The following IL1RL1 variants were observed in gnomAD, a reference collection of about 807,000 sequenced individuals.
IL1RL1 encodes interleukin 1 receptor like 1, also known as interleukin-1 receptor-like 1.
Under a neutral mutation model 50.9 loss-of-function variants are expected in IL1RL1, and 32 were observed. That is an observed-to-expected ratio of 0.63 (90% CI 0.47 to 0.84). The LOEUF (loss-of-function observed/expected upper bound fraction) is 0.84. IL1RL1 is among the 40% of genes least tolerant of loss of function. The pLI, the probability that IL1RL1 is intolerant of heterozygous loss-of-function variation, is 0.00. For missense variants in IL1RL1, 773 were observed against 662.9 expected, an observed-to-expected ratio of 1.17 and a Z score of -1.82; for synonymous variants, 275 against 236.0, an observed-to-expected ratio of 1.17 and a Z score of -1.51.
Position 102,343,360 on chromosome 2 carries a change from C to T in IL1RL1, c.915C>T (p.Ala305=), listed in dbSNP as rs773664206. 2 of 1,614,088 alleles carry T rather than the reference C, an allele frequency of 1.2e-6. No homozygotes were observed. The highest frequency in any genetic ancestry group is 2.2e-5 in the East Asian group (1 of 44,874). The part of the protein sequence containing the change: ...EDLLLQYDCL[A]LNLHGLRRHT... ...TATTGCTGCAGTACGACTGTCTGGC[C>T]CTGAATTTGCATGGCTTGAGAAGGC... Residue 305 remains alanine, a synonymous_variant, in exon 8 of 11, where the codon GCC becomes GCT. Transcript: ENST00000233954.
chr2:102,342,174 A>C (rs368960040), intron 5 of IL1RL1, 49 bp from the exon 6 acceptor site: 2 of 1,259,852 alleles, frequency 1.6e-6, no homozygotes, highest in East Asian at 2.3e-5. Context: ...CTTTATATTG[A>C]CTAGCATTCA....
At chr2:102,325,058 G>A (rs1025460416) in intron 1 of IL1RL1, among the ~76,000 whole-genome samples, 6 of 152,174 alleles carry the variant, frequency 3.9e-5, no homozygotes, top group South Asian at 4.1e-4. Flanking sequence ...GCCTCCTCAA[G>A]TAGGTCCCTG....
At chr2:102,327,030 C>T (rs1573137726) in intron 1 of IL1RL1, among the ~76,000 whole-genome samples, 1 of 152,168 alleles carries the variant, frequency 6.6e-6, no homozygotes, top group Non-Finnish European at 1.5e-5. Flanking sequence ...GAACTCTCCA[C>T]CCAAAATCAA....
At chr2:102,330,456 G>C (rs189341651) in intron 1 of IL1RL1, among the ~76,000 whole-genome samples, 1 of 152,096 alleles carries the variant, frequency 6.6e-6, no homozygotes, top group African/African-American at 2.4e-5. Flanking sequence ...AAACCTGCAC[G>C]TTGTGCACAT....
intron 10 of IL1RL1, 73 bp downstream of exon 10, chr2:102,349,319 C>A: frequency 1.7e-6 from 2 of 1,209,402 alleles, no homozygotes; most frequent in Non-Finnish European, 2.4e-6. Flanking sequence ...GGCCTTATCC[C>A]TGCATTGGAT....
intron 3 of IL1RL1, 52 bp from the exon 4 acceptor site, chr2:102,340,046 G>T: frequency 9.0e-7 from 1 of 1,110,882 alleles, no homozygotes; most frequent in Non-Finnish European, 1.2e-6. Flanking sequence ...TTTAGATTAA[G>T]TTATTTCACA....
intron 1 of IL1RL1, among the ~76,000 whole-genome samples, chr2:102,322,488 A>T (rs1336451174): frequency 6.6e-6 from 1 of 152,230 alleles, no homozygotes; most frequent in East Asian, 1.9e-4. Flanking sequence ...CTGGCTTATT[A>T]TGAGGAGCTT....
intron 1 of IL1RL1, among the ~76,000 whole-genome samples, chr2:102,321,906 G>A (rs549302095): frequency 1.4e-4 from 22 of 152,288 alleles, no homozygotes; most frequent in East Asian, 1.3e-3. Context: ...AAAACAGTCC[G>A]AAGTCAAACA....
chr2:102,313,858 C>A (rs73002417), intron 1 of IL1RL1, among the ~76,000 whole-genome samples: 1 of 152,088 alleles, frequency 6.6e-6, no homozygotes, highest in Non-Finnish European at 1.5e-5. Context: ...CTTGCATGCG[C>A]GTGCATGTGC....
chr2:102,340,588 G>C (rs1677516184), intron 4 of IL1RL1, 78 bp from the exon 5 acceptor site: 1 of 1,453,936 alleles, frequency 6.9e-7, no homozygotes, highest in East Asian at 2.4e-5. Context: ...CTCCAGCCTA[G>C]GCAACAAACA....
intron 1 of IL1RL1, among the ~76,000 whole-genome samples, chr2:102,326,151 C>A (rs1676991229): frequency 6.6e-6 from 1 of 152,242 alleles, no homozygotes; most frequent in Admixed American, 6.5e-5. Context: ...AAAAGCTGAT[C>A]TCTTGGCAGA....
At position 102,343,999 on chromosome 2, in the gene IL1RL1, T is replaced by C. The variant is rs992391948; in HGVS notation, c.970+584T>C. ...GAAATACCTGAGACTGGGTGATTTA[T>C]ATGAAAAGAGGTTTAATTGGCTCAC... is the stretch of plus-strand genomic sequence containing the variant. On this transcript the variant is annotated intron_variant, in intron 8 of 10. Coordinates refer to ENST00000233954, the MANE Select transcript of IL1RL1 (RefSeq NM_016232.5). The C allele has an allele frequency of 2.9e-5, 21 of 712,088 alleles. No individual in the cohort carries two copies. In the South Asian group the frequency reaches 8.0e-4, roughly 27 times the overall value. 44.1% of individuals were successfully genotyped at this position (712,088 alleles called of 1,614,324 possible).
chr2:102,329,230 A>C (rs1004090463), intron 1 of IL1RL1, among the ~76,000 whole-genome samples: 2 of 152,158 alleles, frequency 1.3e-5, no homozygotes, highest in Admixed American at 6.5e-5. Context: ...CAAAAACAAG[A>C]AATGGGGAAA....
intron 1 of IL1RL1, among the ~76,000 whole-genome samples, chr2:102,334,957 T>C (rs1254087597): frequency 6.6e-6 from 1 of 152,154 alleles, no homozygotes; most frequent in African/African-American, 2.4e-5. Context: ...AATAGGCACA[T>C]ACAGGATTTC....
chr2:102,331,944 T>C (rs114879104), intron 1 of IL1RL1, among the ~76,000 whole-genome samples: 4,136 of 152,168 alleles, frequency 0.027, 94 homozygotes, highest in Non-Finnish European at 0.044. Flanking sequence ...GATGTGTGCA[T>C]GTAGTCCCAG....
intron 5 of IL1RL1, among the ~76,000 whole-genome samples, 163 bp from the exon 6 acceptor site, chr2:102,342,059 GT>G (rs1170316698): frequency 1.5e-3 from 133 of 87,590 alleles, no homozygotes; most frequent in African/African-American, 4.6e-3. Context: ...GTGTGTGTGT[GT>G]GTGTGTGTGT....
At chr2:102,350,719 AG>A (rs1204717002) in intron 10 of IL1RL1, among the ~76,000 whole-genome samples, 2 of 152,204 alleles carry the variant, frequency 1.3e-5, no homozygotes, top group African/African-American at 4.8e-5. Context: ...AGGAGGTCAG[AG>A]GGTGGTCATG....
Position 102,342,230 on chromosome 2 carries a change from A to C in IL1RL1, c.618A>C (p.Gln206His). 1 of 1,608,758 alleles carries C rather than the reference A, an allele frequency of 6.2e-7. No homozygotes were observed. The highest frequency in any genetic ancestry group is 8.5e-7 in the Non-Finnish European group (1 of 1,175,324). The change falls in exon 6 of 11, where the codon CAA (glutamine) becomes CAC (histidine). Residue 206 changes from glutamine to histidine, a missense_variant. Gln to His is a conservative substitution (Grantham distance 24). Transcript: ENST00000233954. Reference protein sequence around the residue: ...ATRSFTVKDEQGFSLFPVIGA... With the variant: ...ATRSFTVKDEHGFSLFPVIGA... Reference sequence around the variant, plus strand: ...TTTCTTTTTGTCTTTAAGATGAGCAAGGCTTTTCTCTGTTTCCAGTAATCG... The same window carrying C: ...TTTCTTTTTGTCTTTAAGATGAGCACGGCTTTTCTCTGTTTCCAGTAATCG...
chr2:102,331,010 A>G (rs550586511), intron 1 of IL1RL1, among the ~76,000 whole-genome samples: 2 of 152,334 alleles, frequency 1.3e-5, no homozygotes, highest in Admixed American at 1.3e-4. Context: ...TGTTTTTCAC[A>G]ATAAACTTAT....
Sources: gnomAD v4.1 joint callset for allele counts (sites outside exome capture counted in the v4.1 genomes callset) on GRCh38, gnomAD v4.1.1 for gene constraint, MANE v1.5 for transcripts, NCBI Gene and HGNC (gene_info 2026-07-23, HGNC 2026-07-21) for gene names.